Variants in COL25A1 observed in about 807,000 individuals in gnomAD.
COL25A1 encodes the protein collagen type XXV alpha 1 chain.
Under a neutral mutation model 128.4 loss-of-function variants are expected in COL25A1, and 103 were observed. The observed-to-expected ratio is 0.80, with a 90% CI of 0.68 to 0.94. The LOEUF (loss-of-function observed/expected upper bound fraction) is 0.94. Among genes scored for constraint, COL25A1 ranks in the 40% least tolerant of loss-of-function variants. COL25A1 has a pLI of 0.00. For missense variants in COL25A1, 745 were observed against 840.0 expected (o/e 0.89, Z 1.40); for synonymous variants, 279 against 277.2 (o/e 1.01, Z -0.06).
chr4:108,826,287 G>A (rs896751496), intron 33 of COL25A1, among the ~76,000 whole-genome samples: 3 of 152,004 alleles, frequency 2.0e-5, no homozygotes, highest in Admixed American at 6.6e-5. Context: ...CCTATAAATC[G>A]AGCACTTTGA....
At chr4:108,928,113 C>T (rs1560878348) in intron 11 of COL25A1, among the ~76,000 whole-genome samples, 1 of 152,134 alleles carries the variant, frequency 6.6e-6, no homozygotes, top group Non-Finnish European at 1.5e-5. Flanking sequence ...ATTAAACATA[C>T]TTCCCTCGAG....
chr4:108,987,143 A>G (rs1400637471), intron 6 of COL25A1, among the ~76,000 whole-genome samples: 1 of 152,100 alleles, frequency 6.6e-6, no homozygotes, highest in African/African-American at 2.4e-5. Context: ...ATTAACTTCT[A>G]CCTGTGTCCA....
chr4:109,165,988 TA>T (rs771538446), intron 3 of COL25A1, among the ~76,000 whole-genome samples: 7 of 152,142 alleles, frequency 4.6e-5, no homozygotes, highest in Non-Finnish European at 1.0e-4. Flanking sequence ...GCTCTTGCTT[TA>T]AAAAAATGAC....
chr4:109,190,570 A>T (rs1775524324), intron 3 of COL25A1, among the ~76,000 whole-genome samples: 1 of 152,174 alleles, frequency 6.6e-6, no homozygotes. Flanking sequence ...AGGTTGTAAA[A>T]TAAGACAGTA....
At chr4:108,979,976 G>A (rs890844667) in intron 6 of COL25A1, among the ~76,000 whole-genome samples, 9 of 152,180 alleles carry the variant, frequency 5.9e-5, no homozygotes, top group Admixed American at 3.9e-4. Flanking sequence ...AAGCAGGCCC[G>A]GGGGGAAGGG....
intron 3 of COL25A1, among the ~76,000 whole-genome samples, chr4:109,175,756 G>T (rs1774034430): frequency 6.6e-6 from 1 of 152,198 alleles, no homozygotes; most frequent in Admixed American, 6.5e-5. Context: ...CCATAGTAGA[G>T]TTGAAAATAC....
chr4:109,293,219 A>G (rs4312831), intron 3 of COL25A1, among the ~76,000 whole-genome samples: 8 of 152,104 alleles, frequency 5.3e-5, no homozygotes, highest in Admixed American at 1.3e-4. Flanking sequence ...ATACAAAGCT[A>G]TAACAGAGAA....
chr4:108,905,854 G>GC (rs1553964877), intron 13 of COL25A1, among the ~76,000 whole-genome samples: 1 of 151,454 alleles, frequency 6.6e-6, no homozygotes, highest in Non-Finnish European at 1.5e-5. Flanking sequence ...GTATGTCGGG[G>GC]GGGGGTGCGG....
intron 3 of COL25A1, among the ~76,000 whole-genome samples, chr4:109,216,948 A>G (rs917136288): frequency 2.0e-5 from 3 of 152,172 alleles, no homozygotes; most frequent in Non-Finnish European, 4.4e-5. Context: ...GTTGTAGAAC[A>G]ATGAATAAAT....
At chr4:109,037,963 G>T (rs1759515990) in intron 5 of COL25A1, among the ~76,000 whole-genome samples, 1 of 152,112 alleles carries the variant, frequency 6.6e-6, no homozygotes, top group African/African-American at 2.4e-5. Flanking sequence ...GAATATGAAA[G>T]CTGAATCAAG....
intron 3 of COL25A1, among the ~76,000 whole-genome samples, chr4:109,182,808 C>T (rs1406685681): frequency 6.6e-6 from 1 of 151,956 alleles, no homozygotes; most frequent in Admixed American, 6.6e-5. Context: ...GGTGTCTACC[C>T]CAGCAGGTGT....
chr4:108,881,374 C>T (rs2125830533), intron 19 of COL25A1, among the ~76,000 whole-genome samples: 1 of 152,220 alleles, frequency 6.6e-6, no homozygotes, highest in African/African-American at 2.4e-5. Flanking sequence ...CCTGGTATGT[C>T]ATGACTGGTT....
intron 19 of COL25A1, among the ~76,000 whole-genome samples, chr4:108,873,638 T>G (rs1016381015): frequency 2.0e-5 from 3 of 151,944 alleles, no homozygotes; most frequent in African/African-American, 7.2e-5. Context: ...ATATACAAAG[T>G]GTCTTCTTGT....
chr4:109,024,266 T>TA (rs34266514), intron 5 of COL25A1, among the ~76,000 whole-genome samples: 76,949 of 151,938 alleles, frequency 0.51, 22,187 homozygotes, highest in African/African-American at 0.77. Context: ...GGGACATACA[T>TA]AACCCCATCA....
At chr4:109,269,384 A>G (rs1782029674) in intron 3 of COL25A1, among the ~76,000 whole-genome samples, 1 of 145,892 alleles carries the variant, frequency 6.9e-6, no homozygotes, top group Non-Finnish European at 1.5e-5. Context: ...ATAATGCCGC[A>G]ATAAACATAC....
At chr4:109,017,882 A>C (rs1425356) in intron 5 of COL25A1, among the ~76,000 whole-genome samples, 77,720 of 152,036 alleles carry the variant, frequency 0.51, 22,621 homozygotes, top group African/African-American at 0.78. Context: ...TAAGAAACCC[A>C]AGCTTGACTA....
At position 109,191,544 on chromosome 4, in the gene COL25A1, G is replaced by C. The variant is rs551318733; in HGVS notation, c.367+109039C>G. Among the ~76,000 whole-genome samples, 9 of 152,226 alleles carry C rather than the reference G, an allele frequency of 5.9e-5. No homozygotes were observed. In the East Asian group the frequency reaches 1.4e-3, roughly 23 times the overall value. ...CTCGGCCAACCACCATCAGCTTTGA[G>C]GACTCTCCTGTTTTCCATAAGGAGT... On this transcript the variant is annotated intron_variant, in intron 3 of 37. Coordinates refer to ENST00000399132, the MANE Select transcript of COL25A1 (RefSeq NM_198721.4).
In COL25A1 at chr4:108,839,893, T is replaced by C. The variant is rs547298851; in HGVS notation, c.1656+1802A>G. ...GAATCACTTATGAAATTAAATATCT[T>C]GGTGGCATTATCCTTAGTCATTATG... On this transcript the variant is annotated intron_variant, in intron 31 of 37. Transcript: ENST00000399132. 1.2e-4 allele frequency among the ~76,000 whole-genome samples: 19 copies of C among 152,210 alleles called. No homozygotes were observed. The East Asian group carries it at 3.3e-3, about 26-fold the overall frequency.
chr4:109,237,677 T>C (rs1779567655), intron 3 of COL25A1, among the ~76,000 whole-genome samples: 1 of 151,744 alleles, frequency 6.6e-6, no homozygotes, highest in Non-Finnish European at 1.5e-5. Flanking sequence ...ATATGCATAA[T>C]GGAAAATTTA....
Sources: gnomAD v4.1 joint callset for allele counts (sites outside exome capture counted in the v4.1 genomes callset) on GRCh38, gnomAD v4.1.1 for gene constraint, MANE v1.5 for transcripts, NCBI Gene and HGNC (gene_info 2026-07-23, HGNC 2026-07-21) for gene names.